C9orf153: variants seen among roughly 807,000 people sequenced by gnomAD.
The protein encoded by C9orf153 is uncharacterized protein C9orf153.
C9orf153 carries 10 observed loss-of-function variants against 9.0 expected under a neutral mutation model. The observed-to-expected ratio is 1.11, with a 90% CI of 0.69 to 1.89. C9orf153 has a LOEUF of 1.89. Ranked by LOEUF, C9orf153 falls within the 40% of genes most tolerant of loss-of-function variation. The probability of loss-of-function intolerance (pLI) is 0.00; values close to 1 mark genes in which losing one functional copy is unlikely to be tolerated. For missense variants in C9orf153, 108 were observed against 111.0 expected (o/e 0.97, Z 0.12); for synonymous variants, 35 against 37.3 (o/e 0.94, Z 0.23).
chr9:86,253,852 G>A (rs558428799), intron 1 of C9orf153, among the ~76,000 whole-genome samples: 12 of 152,252 alleles, frequency 7.9e-5, no homozygotes, highest in Non-Finnish European at 1.2e-4. Flanking sequence ...AGCCCTTTGG[G>A]AGGCCAAGGA....
Position 86,229,501 on chromosome 9 carries a change from C to T in C9orf153, c.66+37G>A, listed in dbSNP as rs779470490. 1.3e-5 allele frequency: 18 copies of T among 1,381,156 alleles called. No individual in the cohort carries two copies. The African/African-American group carries it at 2.4e-4, about 19-fold the overall frequency. The allele number at this position is 1,381,156 out of a possible 1,614,324, so 85.6% of individuals were successfully genotyped here. ...TTTATGATTCTTGAATGTAAAGCTC[C>T]CTGTGTACACCTCGTTGTACAATGT... On this transcript the variant is annotated intron_variant, in intron 2 of 3. Coordinates refer to ENST00000339137, the MANE Select transcript of C9orf153 (RefSeq NM_001276366.4).
intron 1 of C9orf153, among the ~76,000 whole-genome samples, chr9:86,234,493 G>A (rs1231861728): frequency 6.6e-6 from 1 of 152,186 alleles, no homozygotes; most frequent in Non-Finnish European, 1.5e-5. Flanking sequence ...ATGGTGCTGG[G>A]ACAATTAAAT....
intron 1 of C9orf153, among the ~76,000 whole-genome samples, chr9:86,252,861 T>G (rs931086236): frequency 2.6e-5 from 4 of 152,248 alleles, no homozygotes; most frequent in African/African-American, 9.6e-5. Context: ...TGAAGATTGC[T>G]AACCCAACAT....
chr9:86,239,433 G>GA (rs112976415), intron 1 of C9orf153, among the ~76,000 whole-genome samples: 292 of 151,210 alleles, frequency 1.9e-3, no homozygotes, highest in African/African-American at 6.6e-3. Context: ...TCAGCAGAAA[G>GA]AAAAAAAAAG....
In C9orf153 at chr9:86,227,414, A is replaced by G. The variant is rs1292200265; in HGVS notation, c.242+441T>C. 3 of 1,476,506 alleles carry G rather than the reference A, an allele frequency of 2.0e-6. No homozygotes were observed. The East Asian group carries it at 7.5e-5, about 37-fold the overall frequency. 91.5% of individuals were successfully genotyped at this position (1,476,506 alleles called of 1,614,324 possible). A position where few individuals can be genotyped will look rare whatever the true frequency, so the allele number is the denominator to read the frequency against. On this transcript the variant is annotated intron_variant, in intron 3 of 3. Transcript: ENST00000339137. Reference sequence around the variant, plus strand: ...TATTGACACTGTATAAAGCAAACATATTAATAGCAGCCATGAACCTCAGAA... The same window carrying G: ...TATTGACACTGTATAAAGCAAACATGTTAATAGCAGCCATGAACCTCAGAA...
At chr9:86,249,619 G>A (rs1824951063) in intron 1 of C9orf153, among the ~76,000 whole-genome samples, 1 of 151,370 alleles carries the variant, frequency 6.6e-6, no homozygotes, top group African/African-American at 2.4e-5. Context: ...CGCGATTTTG[G>A]CTCACTGCAA....
At chr9:86,227,829 G>C in intron 3 of C9orf153, 26 bp downstream of exon 3, 1 of 1,590,440 alleles carries the variant, frequency 6.3e-7, no homozygotes, top group Non-Finnish European at 8.5e-7. Context: ...ATGGATGCTT[G>C]CTTCTCTTTT....
intron 1 of C9orf153, among the ~76,000 whole-genome samples, chr9:86,250,459 G>A (rs914916658): frequency 8.5e-5 from 13 of 152,150 alleles, no homozygotes; most frequent in African/African-American, 2.4e-4. Context: ...ATATTTTGGG[G>A]TATTGGTTTC....
At chr9:86,249,297 A>T (rs1293615714) in intron 1 of C9orf153, among the ~76,000 whole-genome samples, 1 of 152,170 alleles carries the variant, frequency 6.6e-6, no homozygotes, top group Non-Finnish European at 1.5e-5. Context: ...TTCTTTTTAG[A>T]GCAGGAGTCT....
At chr9:86,235,107 G>T (rs1824552158) in intron 1 of C9orf153, among the ~76,000 whole-genome samples, 1 of 152,162 alleles carries the variant, frequency 6.6e-6, no homozygotes, top group South Asian at 2.1e-4. Context: ...ATCATGTTCG[G>T]CTTTCAACAA....
At chr9:86,251,001 C>T (rs887253025) in intron 1 of C9orf153, among the ~76,000 whole-genome samples, 14 of 152,294 alleles carry the variant, frequency 9.2e-5, no homozygotes, top group African/African-American at 3.1e-4. Context: ...TCAGGCAATC[C>T]TCCTGCCTCG....
Position 86,223,359 on chromosome 9 carries a change from T to C in C9orf153, c.243-1626A>G, listed in dbSNP as rs1587794007. 2.0e-5 allele frequency among the ~76,000 whole-genome samples: 3 copies of C among 152,092 alleles called. 1 individual carries two copies. Among genetic ancestry groups the C allele is most frequent in the Non-Finnish European group, 2.9e-5 (2 of 68,012 alleles). ...GGCGGGCACCTGTCATCACAGCTAC[T>C]CCGGAGGCTGATGCAGGAGAATCAC... On this transcript the variant is annotated intron_variant, in intron 3 of 3. Transcript: ENST00000339137.
intron 1 of C9orf153, among the ~76,000 whole-genome samples, chr9:86,239,432 AG>A (rs202021765): frequency 2.0e-5 from 3 of 152,168 alleles, no homozygotes; most frequent in Non-Finnish European, 2.9e-5. Context: ...ATCAGCAGAA[AG>A]AAAAAAAAAG....
intron 3 of C9orf153, chr9:86,227,626 T>A (rs749137644): frequency 4.0e-5 from 39 of 985,242 alleles, no homozygotes; most frequent in African/African-American, 7.0e-5. Flanking sequence ...CTAAGCTGCA[T>A]AAGATTTTGG....
At chr9:86,234,955 T>C (rs1386545661) in intron 1 of C9orf153, among the ~76,000 whole-genome samples, 5 of 152,102 alleles carry the variant, frequency 3.3e-5, no homozygotes, top group South Asian at 2.1e-4. Context: ...TCTTCTTAGA[T>C]CTGGCAGAGA....
At chr9:86,232,721 G>A (rs1042694941) in intron 1 of C9orf153, among the ~76,000 whole-genome samples, 6 of 151,518 alleles carry the variant, frequency 4.0e-5, no homozygotes, top group African/African-American at 9.7e-5. Context: ...TATCCTCCTC[G>A]TAATTCTTTT....
At chr9:86,225,946 G>T (rs1288681969) in intron 3 of C9orf153, among the ~76,000 whole-genome samples, 1 of 152,200 alleles carries the variant, frequency 6.6e-6, no homozygotes, top group African/African-American at 2.4e-5. Context: ...GCATTAGGAA[G>T]AAAGAAAAAC....
chr9:86,223,945 AG>A (rs1432209205), intron 3 of C9orf153, among the ~76,000 whole-genome samples: 29 of 152,150 alleles, frequency 1.9e-4, no homozygotes, highest in African/African-American at 7.0e-4. Context: ...GAGAGAGATA[AG>A]TCAATGGGTT....
At chr9:86,227,022 T>C (rs1468563148) in intron 3 of C9orf153, among the ~76,000 whole-genome samples, 5 of 152,218 alleles carry the variant, frequency 3.3e-5, no homozygotes, top group African/African-American at 7.2e-5. Context: ...CGCCTCGGTC[T>C]CCCAAAGTGC....
Sources: gnomAD v4.1 joint callset for allele counts (sites outside exome capture counted in the v4.1 genomes callset) on GRCh38, gnomAD v4.1.1 for gene constraint, MANE v1.5 for transcripts, NCBI Gene and HGNC (gene_info 2026-07-23, HGNC 2026-07-21) for gene names.